Variants in TENM3 observed in about 807,000 individuals in gnomAD.
TENM3 encodes the protein teneurin-3.
Under a neutral mutation model 255.1 loss-of-function variants are expected in TENM3, and 63 were observed. That is an observed-to-expected ratio of 0.25 (90% CI 0.20 to 0.30). The LOEUF is 0.30. Among genes scored for constraint, TENM3 ranks in the 10% least tolerant of loss-of-function variants. TENM3 has a pLI of 1.00. For missense variants in TENM3, 2,929 were observed against 3,461.1 expected (o/e 0.85, Z 3.86); for synonymous variants, 1,306 against 1,322.3 (o/e 0.99, Z 0.27).
chr4:182,597,640 A>G (rs1203704432), intron 3 of TENM3, among the ~76,000 whole-genome samples: 4 of 152,064 alleles, frequency 2.6e-5, no homozygotes, highest in Non-Finnish European at 5.9e-5. Context: ...TTGTCCACTA[A>G]CCTTAAATCT....
At position 182,590,538 on chromosome 4, in the gene TENM3, C is replaced by CAAAAA. The variant is rs34681777; in HGVS notation, c.512-10367_512-10363dup. Among the ~76,000 whole-genome samples the CAAAAA allele has an allele frequency of 5.0e-3, 398 of 79,620 alleles. 1 individual carries two copies. The highest frequency in any genetic ancestry group is 6.3e-3 in the Non-Finnish European group (281 of 44,338). 52.2% of individuals were successfully genotyped at this position (79,620 alleles called of 152,430 possible). On this transcript the variant is annotated intron_variant, in intron 3 of 27. Coordinates refer to ENST00000511685, the MANE Select transcript of TENM3 (RefSeq NM_001080477.4). Reference sequence around the variant, plus strand: ...CCAGCAATAGAGCGAGACCCTGTCTCAAAAAAAAAAAAAAAAAAAAAAAGA... The same window carrying CAAAAA: ...CCAGCAATAGAGCGAGACCCTGTCTCAAAAAAAAAAAAAAAAAAAAAAAAAAAAGA...
At chr4:182,357,491 G>GT (rs1765639541) in intron 3 of TENM3, among the ~76,000 whole-genome samples, 1 of 151,892 alleles carries the variant, frequency 6.6e-6, no homozygotes, top group Non-Finnish European at 1.5e-5. Flanking sequence ...TTTTTCATGT[G>GT]TTTTTTGGCT....
At chr4:182,426,007 C>CAAAAAAAAAAAAAAAGAAAAAA (rs1771185689) in intron 3 of TENM3, among the ~76,000 whole-genome samples, 1 of 90,762 alleles carries the variant, frequency 1.1e-5, no homozygotes, top group African/African-American at 4.4e-5. Context: ...GAGTCCATGT[C>CAAAAAAAAAAAAAAAGAAAAAA]AAAAAAAAAA....
At chr4:182,161,738 A>AAT (rs1751254659) in intron 1 of TENM3, among the ~76,000 whole-genome samples, 1 of 42,572 alleles carries the variant, frequency 2.3e-5, no homozygotes, top group African/African-American at 1.1e-4. Flanking sequence ...TATATACACA[A>AAT]ATATATGTGT....
At chr4:181,732,810 C>T in the TENM3 span, among the ~76,000 whole-genome samples, 2 of 152,026 alleles carry the variant, frequency 1.3e-5, no homozygotes, top group Admixed American at 6.6e-5. Context: ...GATTAATTGG[C>T]TCAAATATAA....
intron 24 of TENM3, among the ~76,000 whole-genome samples, chr4:182,777,370 T>A (rs1020747279): frequency 7.2e-5 from 11 of 151,972 alleles, no homozygotes; most frequent in Admixed American, 3.3e-4. Flanking sequence ...CTCTGTGCCA[T>A]TGCACCTAGA....
intron 3 of TENM3, among the ~76,000 whole-genome samples, chr4:182,584,842 A>T (rs895479724): frequency 1.3e-5 from 2 of 151,986 alleles, no homozygotes; most frequent in East Asian, 1.9e-4. Context: ...GGGTTTCTTC[A>T]TGCTGTTCAG....
the TENM3 span, among the ~76,000 whole-genome samples, chr4:181,870,148 T>A: frequency 9.9e-5 from 15 of 152,196 alleles, no homozygotes; most frequent in African/African-American, 3.4e-4. Context: ...TGTTGTTGAG[T>A]ATGACAGTAG....
chr4:181,874,966 A>G, the TENM3 span, among the ~76,000 whole-genome samples: 3 of 152,232 alleles, frequency 2.0e-5, no homozygotes, highest in Non-Finnish European at 4.4e-5. Context: ...CAGTTATTGT[A>G]TATATCGTGT....
chr4:182,076,594 T>G, the TENM3 span, among the ~76,000 whole-genome samples: 1 of 152,236 alleles, frequency 6.6e-6, no homozygotes, highest in Non-Finnish European at 1.5e-5. Flanking sequence ...TTGTGCTGCA[T>G]GTTCTCTTCT....
intron 1 of TENM3, among the ~76,000 whole-genome samples, chr4:182,308,045 AT>A (rs1762235410): frequency 6.6e-6 from 1 of 152,238 alleles, no homozygotes; most frequent in Non-Finnish European, 1.5e-5. Context: ...GACTAGGTCC[AT>A]TTTAATCCTC....
At chr4:181,641,827 T>C in the TENM3 span, among the ~76,000 whole-genome samples, 1 of 122,790 alleles carries the variant, frequency 8.1e-6, no homozygotes, top group Non-Finnish European at 1.7e-5. Flanking sequence ...TATATATATA[T>C]ATATATATAT....
At chr4:181,895,150 C>T in the TENM3 span, among the ~76,000 whole-genome samples, 12 of 151,886 alleles carry the variant, frequency 7.9e-5, no homozygotes, top group South Asian at 6.2e-4. Context: ...CATTAACATA[C>T]GCTGTTAAAT....
At chr4:181,979,370 G>GCT in the TENM3 span, among the ~76,000 whole-genome samples, 1 of 151,452 alleles carries the variant, frequency 6.6e-6, no homozygotes, top group Non-Finnish European at 1.5e-5. Flanking sequence ...TCCTGTTATA[G>GCT]CTCTACTTTT....
intron 3 of TENM3, among the ~76,000 whole-genome samples, chr4:182,492,401 T>C (rs1447656712): frequency 1.3e-5 from 2 of 152,196 alleles, no homozygotes; most frequent in African/African-American, 2.4e-5. Context: ...AATTTATAGA[T>C]TGGCTTAAAA....
the TENM3 span, among the ~76,000 whole-genome samples, chr4:182,093,484 A>G: frequency 6.6e-6 from 1 of 152,288 alleles, no homozygotes; most frequent in South Asian, 2.1e-4. Flanking sequence ...GTGGGGACAA[A>G]CCACCAGCAG....
the TENM3 span, among the ~76,000 whole-genome samples, chr4:181,999,809 A>G: frequency 6.6e-6 from 1 of 152,204 alleles, no homozygotes. Flanking sequence ...AGGATTTGAC[A>G]TATCGAGAAT....
the TENM3 span, among the ~76,000 whole-genome samples, chr4:181,516,731 G>T: frequency 6.6e-6 from 1 of 151,686 alleles, no homozygotes; most frequent in South Asian, 2.1e-4. Flanking sequence ...AGCCGAGATT[G>T]CACCATTGCA....
chr4:181,501,503 C>T, the TENM3 span, among the ~76,000 whole-genome samples: 6 of 151,880 alleles, frequency 4.0e-5, no homozygotes, highest in Non-Finnish European at 8.8e-5. Flanking sequence ...CTCAGCCTCC[C>T]AAGTAGTGGG....
Sources: allele counts gnomAD v4.1 joint callset (sites outside exome capture counted in the v4.1 genomes callset), GRCh38; gene constraint gnomAD v4.1.1; transcripts MANE v1.5; gene names NCBI Gene and HGNC (gene_info 2026-07-23, HGNC 2026-07-21).